Variants in LGSN observed in about 807,000 individuals in gnomAD.
LGSN encodes lengsin, lens protein with glutamine synthetase domain.
In LGSN, 21 loss-of-function variants were observed where a neutral mutation model predicts 19.5. The observed-to-expected ratio is 1.07, with a 90% confidence interval of 0.76 to 1.55. The LOEUF (loss-of-function observed/expected upper bound fraction) is 1.55. Ranked by LOEUF, LGSN falls within the 40% of genes most tolerant of loss-of-function variation. LGSN has a pLI of 0.00. For synonymous variants in LGSN, 257 were observed against 215.6 expected, an observed-to-expected ratio of 1.19 and a Z score of -1.68; for missense variants, 673 against 608.5, an observed-to-expected ratio of 1.11 and a Z score of -1.12.
rs753673176 is a variant in LGSN at position 63,280,337 on chromosome 6, A to C, written c.1214T>G (p.Ile405Arg). ...IKCHGEKGTR[I>R]ENKLGSATAN... ...TGTTGCTGAGCCTAGTTTATTTTCT[A>C]TCCGGGTGCCTTTCTCTCCATGACA... Residue 405 changes from isoleucine (I) to arginine (R), a missense_variant, in exon 4 of 4, where the codon ATA (isoleucine) becomes AGA (arginine). Physicochemically the swap from Ile to Arg is moderately conservative, Grantham distance 97. Transcript: ENST00000370657. 1.9e-6 allele frequency: 3 copies of C among 1,614,180 alleles called. No individual in the cohort carries two copies. Among genetic ancestry groups the C allele is most frequent in the South Asian group, 2.2e-5 (2 of 91,084 alleles).
the LGSN span, among the ~76,000 whole-genome samples, chr6:63,454,422 C>G: frequency 6.6e-6 from 1 of 150,964 alleles, no homozygotes; most frequent in South Asian, 2.1e-4. Context: ...TAGTCGTTAA[C>G]AGATAAGAGG....
chr6:63,332,686 A>G, the LGSN span, among the ~76,000 whole-genome samples: 2 of 152,110 alleles, frequency 1.3e-5, no homozygotes, highest in Non-Finnish European at 2.9e-5. Context: ...TTAGCCCCTG[A>G]ATTCTAAGGA....
the LGSN span, among the ~76,000 whole-genome samples, chr6:63,419,211 TTA>T: frequency 6.6e-6 from 1 of 152,162 alleles, no homozygotes; most frequent in African/African-American, 2.4e-5. Context: ...TTCCAGAGTT[TTA>T]TGTTTGTTTT....
the LGSN span, among the ~76,000 whole-genome samples, chr6:63,386,834 C>T: frequency 6.6e-6 from 1 of 152,170 alleles, no homozygotes; most frequent in African/African-American, 2.4e-5. Flanking sequence ...CATGGTGACT[C>T]ATGCCTGTAA....
chr6:63,376,311 G>A, the LGSN span, among the ~76,000 whole-genome samples: 2 of 152,298 alleles, frequency 1.3e-5, no homozygotes, highest in East Asian at 3.9e-4. Context: ...TGGGCTCACA[G>A]CAGAGAGCAA....
At chr6:63,289,424 T>C (rs1767681033) in intron 2 of LGSN, among the ~76,000 whole-genome samples, 1 of 152,144 alleles carries the variant, frequency 6.6e-6, no homozygotes, top group Non-Finnish European at 1.5e-5. Flanking sequence ...ATTAAACCTT[T>C]TGGTCAGCCT....
chr6:63,399,059 G>A, the LGSN span, among the ~76,000 whole-genome samples: 4 of 152,008 alleles, frequency 2.6e-5, no homozygotes, highest in Non-Finnish European at 5.9e-5. Flanking sequence ...CTTCTGCCTC[G>A]GACTCCCAAA....
At chr6:63,320,528 G>A (rs1230521313), upstream of LGSN, among the ~76,000 whole-genome samples, 1 of 152,050 alleles carries the variant, frequency 6.6e-6, no homozygotes, top group African/African-American at 2.4e-5. Context: ...ATTCTCCGAT[G>A]TCAGTCTGTG....
the LGSN span, among the ~76,000 whole-genome samples, chr6:63,329,107 C>T: frequency 1.3e-5 from 2 of 152,274 alleles, no homozygotes; most frequent in South Asian, 2.1e-4. Context: ...CCTGCTGGCA[C>T]GAGGCTTCTG....
the LGSN span, among the ~76,000 whole-genome samples, chr6:63,530,104 G>A: frequency 2.0e-5 from 3 of 152,046 alleles, no homozygotes; most frequent in Non-Finnish European, 2.9e-5. Flanking sequence ...AAAATGAGCC[G>A]ATAGAAAATC....
At chr6:63,444,383 A>G in the LGSN span, among the ~76,000 whole-genome samples, 1 of 152,208 alleles carries the variant, frequency 6.6e-6, no homozygotes, top group Non-Finnish European at 1.5e-5. Flanking sequence ...AATCTTTCCC[A>G]ATGTGTGATA....
At chr6:63,395,138 C>T in the LGSN span, 2 of 152,794 alleles carry the variant, frequency 1.3e-5, no homozygotes, top group Non-Finnish European at 2.9e-5. Context: ...AGGTAGAGCC[C>T]TCTCTGGGCA....
chr6:63,455,904 G>A, the LGSN span, among the ~76,000 whole-genome samples: 1 of 151,130 alleles, frequency 6.6e-6, no homozygotes, highest in Non-Finnish European at 1.5e-5. Context: ...GCGAGACCCT[G>A]TCTCAAAAAG....
chr6:63,529,750 C>T, the LGSN span, among the ~76,000 whole-genome samples: 2 of 152,112 alleles, frequency 1.3e-5, no homozygotes, highest in African/African-American at 4.8e-5. Flanking sequence ...ATCCTATCAG[C>T]CAAGAATGAG....
chr6:63,497,667 T>G, the LGSN span, among the ~76,000 whole-genome samples: 1 of 152,044 alleles, frequency 6.6e-6, no homozygotes, highest in Non-Finnish European at 1.5e-5. Flanking sequence ...TTTTTCCACA[T>G]TCAGCTTGAG....
At chr6:63,359,677 A>G in the LGSN span, among the ~76,000 whole-genome samples, 2 of 152,008 alleles carry the variant, frequency 1.3e-5, no homozygotes, top group Admixed American at 6.6e-5. Context: ...ATCGATGGTG[A>G]TATCCCCTCT....
At chr6:63,412,412 A>G in the LGSN span, among the ~76,000 whole-genome samples, 14 of 133,164 alleles carry the variant, frequency 1.1e-4, no homozygotes, top group African/African-American at 4.5e-4. Flanking sequence ...AGAAAGAAAG[A>G]AAGAAGAAAG....
chr6:63,314,622 A>G (rs528563844), intron 1 of LGSN, among the ~76,000 whole-genome samples: 21 of 152,320 alleles, frequency 1.4e-4, no homozygotes, highest in Admixed American at 1.4e-3. Flanking sequence ...TTTCAATCTA[A>G]AACTGATTTT....
At chr6:63,493,543 AG>A in the LGSN span, among the ~76,000 whole-genome samples, 2 of 152,216 alleles carry the variant, frequency 1.3e-5, no homozygotes, top group African/African-American at 4.8e-5. Context: ...GGAAACTTTT[AG>A]GCTATCCTAG....
Sources: gnomAD v4.1 joint callset for allele counts (sites outside exome capture counted in the v4.1 genomes callset) on GRCh38, gnomAD v4.1.1 for gene constraint, MANE v1.5 for transcripts, NCBI Gene and HGNC (gene_info 2026-07-23, HGNC 2026-07-21) for gene names.